The following CTNNA3 variants were observed in gnomAD, a reference collection of about 807,000 sequenced individuals.
CTNNA3 encodes the protein catenin alpha 3.
CTNNA3 carries 76 observed loss-of-function variants against 95.7 expected under a neutral mutation model. The ratio of observed to expected loss-of-function variants is 0.79; its 90% CI spans 0.66 to 0.96. The LOEUF (loss-of-function observed/expected upper bound fraction) is 0.96. Among genes scored for constraint, CTNNA3 ranks in the 40% least tolerant of loss-of-function variants. The pLI is 0.00. For synonymous variants in CTNNA3, 431 were observed against 374.4 expected (o/e 1.15, Z -1.74); for missense variants, 1,191 against 1,089.8 (o/e 1.09, Z -1.31).
chr10:67,448,323 A>G (rs1846831411), intron 5 of CTNNA3, among the ~76,000 whole-genome samples: 2 of 152,202 alleles, frequency 1.3e-5, no homozygotes, highest in Admixed American at 6.5e-5. Flanking sequence ...TGCAACTCCA[A>G]TCAAAACTCC....
intron 5 of CTNNA3, among the ~76,000 whole-genome samples, chr10:67,466,285 T>C (rs918927032): frequency 2.0e-5 from 3 of 152,190 alleles, no homozygotes; most frequent in Non-Finnish European, 4.4e-5. Flanking sequence ...ATGTTCAAAG[T>C]TGTGCCACAA....
chr10:66,450,144 A>G (rs2093453333), intron 11 of CTNNA3, among the ~76,000 whole-genome samples: 1 of 152,094 alleles, frequency 6.6e-6, no homozygotes, highest in Non-Finnish European at 1.5e-5. Context: ...CTTACCCCAG[A>G]TAATTGTCTA....
chr10:67,605,460 A>T (rs1843236309), intron 3 of CTNNA3, among the ~76,000 whole-genome samples: 1 of 152,180 alleles, frequency 6.6e-6, no homozygotes, highest in Non-Finnish European at 1.5e-5. Context: ...CAACATGAAG[A>T]CTATAGTTAA....
At chr10:66,598,287 A>G (rs1231333048) in intron 10 of CTNNA3, among the ~76,000 whole-genome samples, 2 of 152,080 alleles carry the variant, frequency 1.3e-5, no homozygotes, top group Non-Finnish European at 2.9e-5. Flanking sequence ...ATTTATGACA[A>G]ATCCACAGCT....
At chr10:66,793,924 A>G (rs1446115127) in intron 7 of CTNNA3, among the ~76,000 whole-genome samples, 1 of 152,158 alleles carries the variant, frequency 6.6e-6, no homozygotes, top group African/African-American at 2.4e-5. Flanking sequence ...TGGTTTTCTC[A>G]TTAGCTATTA....
chr10:66,169,484 G>T (rs1459548977), intron 13 of CTNNA3, among the ~76,000 whole-genome samples: 1 of 152,098 alleles, frequency 6.6e-6, no homozygotes, highest in Admixed American at 6.5e-5. Context: ...CTATAAACAT[G>T]CGTGTGCAAG....
intron 3 of CTNNA3, among the ~76,000 whole-genome samples, chr10:67,604,486 T>C (rs1843197210): frequency 6.6e-6 from 1 of 152,198 alleles, no homozygotes; most frequent in African/African-American, 2.4e-5. Flanking sequence ...TATTTTCATT[T>C]TTAAAAGATC....
chr10:66,766,388 G>A lies in CTNNA3; in HGVS notation c.1157C>T (p.Ser386Leu), dbSNP rs768191469. 6.2e-7 allele frequency: 1 copy of A among 1,613,562 alleles called. No homozygotes were observed. The highest frequency in any genetic ancestry group is 1.1e-5 in the South Asian group (1 of 91,054). Residue 386 changes from serine to leucine, a missense_variant, in exon 9 of 18, where the codon TCA becomes TTA. Physicochemically the swap from Ser to Leu is moderately radical, Grantham distance 145. Coordinates refer to ENST00000433211, the MANE Select transcript of CTNNA3 (RefSeq NM_013266.4). ...GACTGTCGTATCCAGGAAAGAGTCT[G>A]ACACATGATCTATAATAGCCTTGCG... The part of the protein sequence containing the change: ...QLRKAIIDHV[S>L]DSFLDTTVPL...
At chr10:65,951,986 C>T (rs1436261692) in intron 17 of CTNNA3, among the ~76,000 whole-genome samples, 1 of 144,752 alleles carries the variant, frequency 6.9e-6, no homozygotes, top group Non-Finnish European at 1.5e-5. Flanking sequence ...GCCGAGATGG[C>T]ACCATTGCAC....
intron 10 of CTNNA3, among the ~76,000 whole-genome samples, chr10:66,538,886 T>C (rs1365829691): frequency 6.6e-6 from 1 of 152,180 alleles, no homozygotes; most frequent in Non-Finnish European, 1.5e-5. Flanking sequence ...ATAATGGTGT[T>C]TTTAAAAAAT....
chr10:67,035,111 T>A (rs1853967603), intron 7 of CTNNA3, among the ~76,000 whole-genome samples: 1 of 152,254 alleles, frequency 6.6e-6, no homozygotes, highest in Admixed American at 6.5e-5. Flanking sequence ...TATTGAATTA[T>A]CTGTGCATAT....
At chr10:66,315,506 TTGTG>T (rs58802869) in intron 12 of CTNNA3, among the ~76,000 whole-genome samples, 11 of 149,680 alleles carry the variant, frequency 7.3e-5, no homozygotes, top group African/African-American at 9.8e-5. Context: ...CTGACTTCTC[TTGTG>T]TGTGTGTGTG....
intron 15 of CTNNA3, among the ~76,000 whole-genome samples, chr10:66,031,774 A>T (rs2079453395): frequency 1.3e-5 from 2 of 152,346 alleles, no homozygotes; most frequent in South Asian, 4.1e-4. Context: ...AAATCAAGGT[A>T]CACTTGTAAG....
intron 1 of CTNNA3, among the ~76,000 whole-genome samples, chr10:67,747,201 C>T (rs1011750182): frequency 1.3e-4 from 20 of 152,176 alleles, no homozygotes; most frequent in South Asian, 6.2e-4. Context: ...TCTTTCCTTC[C>T]GCTAGCTCTG....
chr10:66,928,258 A>G, intron 7 of CTNNA3: 3 of 1,614,168 alleles, frequency 1.9e-6, no homozygotes, highest in Non-Finnish European at 2.5e-6. Flanking sequence ...GTACCCTGCG[A>G]GCATGAAGCA....
rs114792770 is a variant in CTNNA3, at chr10:67,415,117, C to T, written c.579+106725G>A. 8.0e-3 allele frequency among the ~76,000 whole-genome samples: 1,215 copies of T among 152,294 alleles called. 26 individuals are homozygous for T. The highest frequency in any genetic ancestry group is 0.028 in the African/African-American group (1,147 of 41,562). On this transcript the variant is annotated intron_variant, in intron 5 of 17. Transcript: ENST00000433211. The stretch of plus-strand genomic sequence containing the variant: ...AGAACAAGACAAGGCTGCCTACTCT[C>T]ACCACTTCTCTTCAACATAGTACTG...
At chr10:66,186,107 G>A (rs1168109316) in intron 13 of CTNNA3, among the ~76,000 whole-genome samples, 2 of 152,106 alleles carry the variant, frequency 1.3e-5, no homozygotes, top group East Asian at 3.9e-4. Context: ...TTTCAAAATA[G>A]CTAGAAGAGA....
intron 1 of CTNNA3, among the ~76,000 whole-genome samples, chr10:67,727,040 G>A (rs1332298186): frequency 1.9e-5 from 2 of 105,028 alleles, no homozygotes; most frequent in East Asian, 2.7e-4. Flanking sequence ...TATAATATAT[G>A]ATACATATAT....
intron 7 of CTNNA3, among the ~76,000 whole-genome samples, chr10:67,163,062 C>T (rs1480964222): frequency 6.6e-6 from 1 of 151,842 alleles, no homozygotes; most frequent in Non-Finnish European, 1.5e-5. Context: ...AATATTTAAA[C>T]ATATGTAACA....
Sources: gnomAD v4.1 joint callset for allele counts (sites outside exome capture counted in the v4.1 genomes callset) on GRCh38, gnomAD v4.1.1 for gene constraint, MANE v1.5 for transcripts, NCBI Gene and HGNC (gene_info 2026-07-23, HGNC 2026-07-21) for gene names.